SEMA5A: variants seen among roughly 807,000 people sequenced by gnomAD.
SEMA5A encodes the protein semaphorin-5A.
SEMA5A carries 55 observed loss-of-function variants against 135.5 expected under a neutral mutation model. The ratio of observed to expected loss-of-function variants is 0.41; its 90% CI spans 0.33 to 0.51. The LOEUF (loss-of-function observed/expected upper bound fraction) is 0.51. SEMA5A is among the 20% of genes least tolerant of loss of function. SEMA5A has a pLI of 0.37. For synonymous variants in SEMA5A, 580 were observed against 546.5 expected, an observed-to-expected ratio of 1.06 and a Z score of -0.85; for missense variants, 1,290 against 1,419.9, an observed-to-expected ratio of 0.91 and a Z score of 1.47.
At chr5:9,436,967 C>A (rs987284225) in intron 2 of SEMA5A, among the ~76,000 whole-genome samples, 2 of 152,086 alleles carry the variant, frequency 1.3e-5, no homozygotes, top group Admixed American at 1.3e-4. Flanking sequence ...GGGGGTCAGT[C>A]CCTACACTGT....
At chr5:9,066,395 T>C (rs1337884943) in intron 17 of SEMA5A, 26 bp downstream of exon 17, 2 of 1,602,916 alleles carry the variant, frequency 1.2e-6, no homozygotes, top group African/African-American at 1.3e-5. Flanking sequence ...TGGAAGTGGG[T>C]CAGTCCCCAC....
chr5:9,058,940 T>C (rs1238461749), intron 18 of SEMA5A, among the ~76,000 whole-genome samples: 1 of 152,162 alleles, frequency 6.6e-6, no homozygotes, highest in Non-Finnish European at 1.5e-5. Context: ...ACTCCAAGAA[T>C]GCAAAGGAAG....
intron 3 of SEMA5A, among the ~76,000 whole-genome samples, chr5:9,377,160 G>A (rs960085014): frequency 1.3e-5 from 2 of 150,664 alleles, no homozygotes; most frequent in African/African-American, 2.4e-5. Context: ...TAGAGAGTAG[G>A]CTCCAGCATA....
chr5:9,242,090 C>G (rs181942734), intron 5 of SEMA5A, among the ~76,000 whole-genome samples: 7 of 152,266 alleles, frequency 4.6e-5, no homozygotes, highest in African/African-American at 1.7e-4. Context: ...TTCTGCGATG[C>G]GCTGGGAAAT....
intron 9 of SEMA5A, among the ~76,000 whole-genome samples, chr5:9,198,571 T>C (rs1405354313): frequency 6.6e-6 from 1 of 152,012 alleles, no homozygotes; most frequent in Non-Finnish European, 1.5e-5. Context: ...GCCTTGAGGG[T>C]ATTGTGGGCC....
rs1424229285 is a variant in SEMA5A at position 9,116,970 on chromosome 5, G to T, written c.1925+2028C>A. On this transcript the variant is annotated intron_variant, in intron 15 of 22. Transcript: ENST00000382496. ...TAATCTCCCAGTAGCCCCCTAGAAA[G>T]ACTATTCAATAGAAAAGCTTAAATT... Among the ~76,000 whole-genome samples, 5 of 152,140 alleles carry T rather than the reference G, an allele frequency of 3.3e-5. No individual in the cohort carries two copies. The East Asian group carries it at 9.6e-4, about 29-fold the overall frequency.
Position 9,488,146 on chromosome 5 carries a change from A to T in SEMA5A, c.-174-50294T>A, listed in dbSNP as rs745520009. Among the ~76,000 whole-genome samples the T allele has an allele frequency of 6.1e-4, 93 of 152,318 alleles. 1 individual carries two copies. The highest frequency in any genetic ancestry group is 1.5e-3 in the South Asian group (7 of 4,826). ...TAGTTTATGTTCTGTGTCTATAGGT[A>T]CTGAAGGAGCTGTTGAACATTCTAC... On this transcript the variant is annotated intron_variant, in intron 1 of 22. Transcript: ENST00000382496.
At chr5:9,050,276 G>T in intron 21 of SEMA5A, 134 bp downstream of exon 21, 5 of 744,966 alleles carry the variant, frequency 6.7e-6, no homozygotes, top group Non-Finnish European at 1.1e-5. Flanking sequence ...AAGGTAGAAT[G>T]CCTGGGATCC....
chr5:9,082,524 G>T (rs1216383346), intron 16 of SEMA5A, among the ~76,000 whole-genome samples: 1 of 152,154 alleles, frequency 6.6e-6, no homozygotes, highest in African/African-American at 2.4e-5. Context: ...ATTGTTCTGT[G>T]TTATAAGCAG....
In SEMA5A at chr5:9,226,920, C is replaced by T; in HGVS notation, c.381G>A (p.Arg127=). The T allele has an allele frequency of 1.3e-6, 2 of 1,582,144 alleles. No homozygotes were observed. The highest frequency in any genetic ancestry group is 1.2e-5 in the South Asian group (1 of 86,766). The change falls in exon 7 of 23, where the codon CGG becomes CGA. Residue 127 remains arginine (R), a synonymous_variant. Transcript: ENST00000382496. ...YIRVLLVGGD[R]LFTCGTNAFT... ...ATGCATTGGTCCCACAGGTGAATAACCGGTCGCCACCCACCAGAAGCACCC... is the reference window on the plus strand; with the variant it reads ...ATGCATTGGTCCCACAGGTGAATAATCGGTCGCCACCCACCAGAAGCACCC...
At chr5:9,180,645 C>A (rs1467346206) in intron 11 of SEMA5A, among the ~76,000 whole-genome samples, 1 of 152,110 alleles carries the variant, frequency 6.6e-6, no homozygotes, top group Non-Finnish European at 1.5e-5. Flanking sequence ...AACTTAATTT[C>A]TGGTACCCAG....
intron 1 of SEMA5A, among the ~76,000 whole-genome samples, chr5:9,472,713 G>C (rs1249110351): frequency 6.6e-6 from 1 of 151,954 alleles, no homozygotes; most frequent in African/African-American, 2.4e-5. Flanking sequence ...TATGTCCACT[G>C]TAAAAGTTTT....
intron 5 of SEMA5A, among the ~76,000 whole-genome samples, chr5:9,291,356 T>A (rs1316467573): frequency 6.6e-6 from 1 of 152,126 alleles, no homozygotes; most frequent in Non-Finnish European, 1.5e-5. Context: ...CTCTACCACC[T>A]TGGATTCTGG....
At chr5:9,289,973 T>C (rs1020469932) in intron 5 of SEMA5A, among the ~76,000 whole-genome samples, 7 of 152,236 alleles carry the variant, frequency 4.6e-5, no homozygotes, top group South Asian at 2.1e-4. Context: ...GTTATTATAG[T>C]GATTGTTGAG....
At chr5:9,398,573 G>C (rs1280843753) in intron 2 of SEMA5A, among the ~76,000 whole-genome samples, 4 of 152,222 alleles carry the variant, frequency 2.6e-5, no homozygotes, top group Non-Finnish European at 5.9e-5. Context: ...CAGTAGAGTA[G>C]AAAAGACACC....
chr5:9,413,884 T>C (rs1757191093), intron 2 of SEMA5A, among the ~76,000 whole-genome samples: 1 of 152,226 alleles, frequency 6.6e-6, no homozygotes, highest in Non-Finnish European at 1.5e-5. Context: ...TTATAAAGTT[T>C]ATCGCTGGTC....
intron 5 of SEMA5A, among the ~76,000 whole-genome samples, chr5:9,301,910 A>G (rs1751628818): frequency 1.3e-5 from 2 of 152,192 alleles, no homozygotes; most frequent in African/African-American, 2.4e-5. Flanking sequence ...ATCAGTATCA[A>G]TGGGCCAAAC....
chr5:9,429,931 TGTCTG>T (rs1377298099), intron 2 of SEMA5A, among the ~76,000 whole-genome samples: 3 of 152,188 alleles, frequency 2.0e-5, no homozygotes, highest in African/African-American at 7.2e-5. Context: ...GCAGAGAGCC[TGTCTG>T]GTCACTGTGT....
At chr5:9,241,113 A>G (rs538256916) in intron 5 of SEMA5A, among the ~76,000 whole-genome samples, 14 of 152,270 alleles carry the variant, frequency 9.2e-5, no homozygotes, top group Non-Finnish European at 1.9e-4. Context: ...TTACTTGAAT[A>G]TTCAAAGATT....
Sources: allele counts gnomAD v4.1 joint callset (sites outside exome capture counted in the v4.1 genomes callset), GRCh38; gene constraint gnomAD v4.1.1; transcripts MANE v1.5; gene names NCBI Gene and HGNC (gene_info 2026-07-23, HGNC 2026-07-21).